CAMK2D: variants seen among roughly 807,000 people sequenced by gnomAD.
The protein encoded by CAMK2D is calcium/calmodulin-dependent protein kinase type II subunit delta.
A neutral mutation model predicts 84.0 loss-of-function variants in CAMK2D; 37 were observed. The ratio of observed to expected loss-of-function variants is 0.44; its 90% CI spans 0.34 to 0.58. CAMK2D has a LOEUF of 0.58. Among genes scored for constraint, CAMK2D ranks in the 20% least tolerant of loss-of-function variants. The probability of loss-of-function intolerance (pLI) is 0.02; values close to 1 mark genes in which losing one functional copy is unlikely to be tolerated. For missense variants in CAMK2D, 448 were observed against 652.5 expected (o/e 0.69, Z 3.41); for synonymous variants, 202 against 212.5 (o/e 0.95, Z 0.43).
chr4:113,673,634 C>T (rs1383747533), intron 2 of CAMK2D, among the ~76,000 whole-genome samples: 1 of 152,198 alleles, frequency 6.6e-6, no homozygotes, highest in Non-Finnish European at 1.5e-5. Context: ...TGGAACTGCA[C>T]CAGTGACTCA....
chr4:113,551,186 A>G (rs965885039), intron 5 of CAMK2D, among the ~76,000 whole-genome samples: 1 of 152,182 alleles, frequency 6.6e-6, no homozygotes, highest in Non-Finnish European at 1.5e-5. Context: ...ACACAGGAAA[A>G]TTTACACCAT....
At chr4:113,458,908 G>A (rs2097337070) in intron 18 of CAMK2D, among the ~76,000 whole-genome samples, 1 of 152,132 alleles carries the variant, frequency 6.6e-6, no homozygotes, top group Admixed American at 6.6e-5. Flanking sequence ...TGCAAACACA[G>A]CATAATGTCT....
chr4:113,752,994 G>A (rs896356184), intron 2 of CAMK2D, among the ~76,000 whole-genome samples: 10 of 152,078 alleles, frequency 6.6e-5, no homozygotes, highest in Admixed American at 5.2e-4. Flanking sequence ...GCACACACAG[G>A]TAAATACAGA....
chr4:113,710,364 A>C (rs1255532084), intron 2 of CAMK2D, among the ~76,000 whole-genome samples: 1 of 152,142 alleles, frequency 6.6e-6, no homozygotes, highest in Non-Finnish European at 1.5e-5. Flanking sequence ...ACAAAAGCCA[A>C]GGAACTAAAA....
chr4:113,732,874 T>C (rs1206942704), intron 2 of CAMK2D, among the ~76,000 whole-genome samples: 1 of 152,132 alleles, frequency 6.6e-6, no homozygotes, highest in Admixed American at 6.6e-5. Flanking sequence ...ATTAGGAATA[T>C]AGATATATTA....
At chr4:113,582,190 T>C (rs2098813573) in intron 4 of CAMK2D, among the ~76,000 whole-genome samples, 1 of 152,174 alleles carries the variant, frequency 6.6e-6, no homozygotes, top group Admixed American at 6.5e-5. Context: ...ATCCAATAAA[T>C]TGTCTAGGTC....
intron 2 of CAMK2D, among the ~76,000 whole-genome samples, chr4:113,729,620 C>A (rs1217256042): frequency 6.6e-6 from 1 of 152,196 alleles, no homozygotes; most frequent in Admixed American, 6.5e-5. Context: ...GAATCAATTT[C>A]TATTACATCA....
At chr4:113,562,443 T>C (rs182744614) in intron 4 of CAMK2D, among the ~76,000 whole-genome samples, 48 of 152,338 alleles carry the variant, frequency 3.2e-4, no homozygotes, top group African/African-American at 1.1e-3. Flanking sequence ...TATTCACTTA[T>C]TCATGTATTT....
intron 3 of CAMK2D, among the ~76,000 whole-genome samples, chr4:113,635,560 A>C (rs1026355589): frequency 6.6e-6 from 1 of 152,218 alleles, no homozygotes; most frequent in African/African-American, 2.4e-5. Context: ...ACTCAAATAC[A>C]AGTCCATTGT....
intron 2 of CAMK2D, among the ~76,000 whole-genome samples, chr4:113,719,017 A>G (rs918016677): frequency 3.9e-5 from 6 of 152,204 alleles, no homozygotes; most frequent in African/African-American, 1.4e-4. Flanking sequence ...ATATGCTAAC[A>G]TCTATGCTCA....
intron 4 of CAMK2D, among the ~76,000 whole-genome samples, chr4:113,557,605 A>G (rs1560954161): frequency 6.6e-6 from 1 of 152,222 alleles, no homozygotes; most frequent in African/African-American, 2.4e-5. Flanking sequence ...GGAAATCTTA[A>G]TAATGAATTC....
At chr4:113,557,364 A>G (rs1220930306) in intron 4 of CAMK2D, among the ~76,000 whole-genome samples, 2 of 152,108 alleles carry the variant, frequency 1.3e-5, no homozygotes, top group Non-Finnish European at 2.9e-5. Context: ...TATCCCACCT[A>G]TCTTCCAATT....
At position 113,546,721 on chromosome 4, in the gene CAMK2D, C is replaced by T. The variant is rs901279810; in HGVS notation, c.414+923G>A. On this transcript the variant is annotated intron_variant, in intron 6 of 20. Coordinates refer to ENST00000511664, the MANE Select transcript of CAMK2D (RefSeq NM_001321571.2). The stretch of plus-strand genomic sequence containing the variant: ...TAGAAAATGCTGAGTTTGAAAGAAT[C>T]AAAACTATATACAGTGCTCACATTT... Among the ~76,000 whole-genome samples, 16 of 152,238 alleles carry T rather than the reference C, an allele frequency of 1.1e-4. 2 individuals are homozygous for T. Among genetic ancestry groups the T allele is most frequent in the Admixed American group, 6.5e-4 (10 of 15,298 alleles).
chr4:113,470,539 G>A lies in CAMK2D; in HGVS notation c.1136-4935C>T, dbSNP rs544165984. Among the ~76,000 whole-genome samples, 4 of 152,126 alleles carry A rather than the reference G, an allele frequency of 2.6e-5. 1 individual carries two copies. The South Asian group carries it at 8.3e-4, about 32-fold the overall frequency. Reference sequence around the variant, plus strand: ...TGTAGTCCCAGCTACTCGGGAGACTGAGGCAGGAGAATCACTTGAACCCGG... The same window carrying A: ...TGTAGTCCCAGCTACTCGGGAGACTAAGGCAGGAGAATCACTTGAACCCGG... On this transcript the variant is annotated intron_variant, in intron 16 of 20. Coordinates refer to ENST00000511664, the MANE Select transcript of CAMK2D (RefSeq NM_001321571.2).
intron 2 of CAMK2D, among the ~76,000 whole-genome samples, chr4:113,730,144 T>C (rs1436507897): frequency 6.6e-6 from 1 of 152,252 alleles, no homozygotes; most frequent in African/African-American, 2.4e-5. Flanking sequence ...AAACAGTAAG[T>C]GTTCAACAAA....
At chr4:113,551,879 T>C (rs13120055) in intron 5 of CAMK2D, 152 bp downstream of exon 5, 5 of 427,384 alleles carry the variant, frequency 1.2e-5, no homozygotes, top group African/African-American at 6.1e-5. Context: ...GATAAAAATA[T>C]AGACCAGATT....
At chr4:113,672,066 G>C (rs1193293232) in intron 2 of CAMK2D, among the ~76,000 whole-genome samples, 1 of 152,000 alleles carries the variant, frequency 6.6e-6, no homozygotes, top group Non-Finnish European at 1.5e-5. Context: ...TAGAAGATGA[G>C]AATGTATTGT....
chr4:113,583,009 T>C (rs1419739062), intron 4 of CAMK2D, among the ~76,000 whole-genome samples: 1 of 152,186 alleles, frequency 6.6e-6, no homozygotes, highest in Non-Finnish European at 1.5e-5. Flanking sequence ...GCTCAGCTCT[T>C]CAGTGGAGTC....
At position 113,761,543 on chromosome 4, in the gene CAMK2D, C is replaced by T. The variant is rs1285325604; in HGVS notation, c.-475G>A. 12 of 998,644 alleles carry T rather than the reference C, an allele frequency of 1.2e-5. No homozygotes were observed. In the African/African-American group the frequency reaches 1.2e-4, roughly 10 times the overall value. The allele number at this position is 998,644 out of a possible 1,614,324, so 61.9% of individuals were successfully genotyped here. A position where few individuals can be genotyped will look rare whatever the true frequency, so the allele number is the denominator to read the frequency against. On this transcript the variant is annotated 5_prime_UTR_variant, in exon 1 of 21. Coordinates refer to ENST00000511664, the MANE Select transcript of CAMK2D (RefSeq NM_001321571.2). ...GCAGCGGGGCCGAGGCCGCGGAGCCCAGAGCGGACAGCCTGAGCCCAGCGG... is the reference window on the plus strand; with the variant it reads ...GCAGCGGGGCCGAGGCCGCGGAGCCTAGAGCGGACAGCCTGAGCCCAGCGG...
Sources: gnomAD v4.1 joint callset for allele counts (sites outside exome capture counted in the v4.1 genomes callset) on GRCh38, gnomAD v4.1.1 for gene constraint, MANE v1.5 for transcripts, NCBI Gene and HGNC (gene_info 2026-07-23, HGNC 2026-07-21) for gene names.